Variants in SUGP1 observed in about 807,000 individuals in gnomAD.
SUGP1 encodes the protein SURP and G-patch domain-containing protein 1.
Under a neutral mutation model 76.5 loss-of-function variants are expected in SUGP1, and 34 were observed. The observed-to-expected ratio is 0.44, with a 90% CI of 0.34 to 0.59. The LOEUF (loss-of-function observed/expected upper bound fraction) is 0.59. SUGP1 is among the 20% of genes least tolerant of loss of function. The probability of loss-of-function intolerance (pLI) is 0.01; values close to 1 mark genes in which losing one functional copy is unlikely to be tolerated. For synonymous variants in SUGP1, 326 were observed against 326.2 expected, an observed-to-expected ratio of 1.00 and a Z score of 0.01; for missense variants, 752 against 851.7, an observed-to-expected ratio of 0.88 and a Z score of 1.46.
intron 12 of SUGP1, 58 bp from the exon 13 acceptor site, chr19:19,277,134 C>T (rs756989000): frequency 8.0e-5 from 125 of 1,558,436 alleles, no homozygotes; most frequent in Non-Finnish European, 1.0e-4. Context: ...GCCGGGGGGC[C>T]GGGCACAGCT....
chr19:19,309,813 G>A (rs1397658499), intron 3 of SUGP1, among the ~76,000 whole-genome samples: 1 of 152,232 alleles, frequency 6.6e-6, no homozygotes, highest in Non-Finnish European at 1.5e-5. Flanking sequence ...TCAGGAGGCT[G>A]AGGCAGGAGA....
At position 19,305,995 on chromosome 19, in the gene SUGP1, C is replaced by A; in HGVS notation, c.392G>T (p.Arg131Leu). ...AGKRSLLISRRTGLGLASLPG... is the reference protein window; with the variant it reads ...AGKRSLLISRLTGLGLASLPG... The stretch of plus-strand genomic sequence containing the variant: ...CAGGCTGGCCAGCCCCAGGCCTGTC[C>A]GCCTGCTGATGAGCAGGGACCTCTT... The change falls in exon 4 of 14, where the codon CGG (arginine) becomes CTG (leucine). Residue 131 changes from arginine (R) to leucine (L), a missense_variant. Arg to Leu is a moderately radical substitution (Grantham distance 102). Around this residue, in one of 2 missense-constraint regions of SUGP1, gnomAD observed 620 missense variants for 617.3 expected, o/e 1.00. Transcript: ENST00000247001. 6.2e-7 allele frequency: 1 copy of A among 1,611,876 alleles called. No individual in the cohort carries two copies. Among genetic ancestry groups the A allele is most frequent in the Non-Finnish European group, 8.5e-7 (1 of 1,179,704 alleles).
chr19:19,303,795 G>A lies in SUGP1; in HGVS notation c.591C>T (p.Arg197=). Residue 197 remains arginine, a synonymous_variant, in exon 5 of 14, where the codon CGC becomes CGT. Coordinates refer to ENST00000247001, the MANE Select transcript of SUGP1 (RefSeq NM_172231.4). ...ETRKVIEKLA[R]FVAEGGPELE... ...ACTCGGGGCCTCCTTCTGCCACAAA[G>A]CGGGCCAATTTCTCTATCACTTTCC... is the stretch of plus-strand genomic sequence containing the variant. The A allele has an allele frequency of 6.2e-7, 1 of 1,614,190 alleles. No homozygotes were observed. Among genetic ancestry groups the A allele is most frequent in the Non-Finnish European group, 8.5e-7 (1 of 1,180,038 alleles).
chr19:19,320,394 G>A, intron 1 of SUGP1, 69 bp downstream of exon 1: 1 of 1,546,168 alleles, frequency 6.5e-7, no homozygotes, highest in Admixed American at 1.8e-5. Context: ...GGACGGACCC[G>A]AGGAGTCAGG....
Position 19,303,424 on chromosome 19 carries a change from C to T in SUGP1, c.687G>A (p.Arg229=). ...AFAFLHDKNS[R]EFLYYRKKVA... ...CCTTCTTCCTGTAGTAGAGGAATTC[C>T]CTGCTATTCTTATCGTGCAAAAATC... The change falls in exon 6 of 14, where the codon AGG becomes AGA. Residue 229 remains arginine, a synonymous_variant. Coordinates refer to ENST00000247001, the MANE Select transcript of SUGP1 (RefSeq NM_172231.4). The T allele has an allele frequency of 1.9e-6, 3 of 1,614,092 alleles. No individual in the cohort carries two copies. Among genetic ancestry groups the T allele is most frequent in the Non-Finnish European group, 2.5e-6 (3 of 1,179,988 alleles).
intron 11 of SUGP1, among the ~76,000 whole-genome samples, chr19:19,278,415 A>G (rs1222600869): frequency 6.6e-6 from 1 of 152,186 alleles, no homozygotes; most frequent in Admixed American, 6.6e-5. Flanking sequence ...CCGGAGAAAC[A>G]CTTTGCCTGT....
At chr19:19,303,972 C>T (rs757767642) in intron 4 of SUGP1, 125 bp from the exon 5 acceptor site, 10 of 1,596,174 alleles carry the variant, frequency 6.3e-6, no homozygotes, top group East Asian at 4.5e-5. Flanking sequence ...AGGAGGCTGT[C>T]GGGCGTCCCG....
intron 3 of SUGP1, among the ~76,000 whole-genome samples, chr19:19,309,826 G>A (rs1032841453): frequency 3.3e-5 from 5 of 152,208 alleles, no homozygotes; most frequent in African/African-American, 1.2e-4. Flanking sequence ...GCAGGAGAAT[G>A]GGGTGAACCC....
intron 1 of SUGP1, among the ~76,000 whole-genome samples, chr19:19,317,671 C>A (rs554920566): frequency 2.6e-5 from 4 of 152,196 alleles, no homozygotes; most frequent in East Asian, 1.9e-4. Flanking sequence ...GCATGCACCA[C>A]CTCACTTGGC....
chr19:19,311,420 G>A lies in SUGP1; in HGVS notation c.207-1220C>T, dbSNP rs182642322. On this transcript the variant is annotated intron_variant, in intron 2 of 13. Transcript: ENST00000247001. ...TTCTTCCAGCAAGATTGCTTTGGCT[G>A]TTTTCTTAGAAATGTTTGATGCCCA... Among the ~76,000 whole-genome samples, 411 of 152,096 alleles carry A rather than the reference G, an allele frequency of 2.7e-3. 4 individuals are homozygous for A. The highest frequency in any genetic ancestry group is 9.3e-3 in the African/African-American group (386 of 41,532).
At chr19:19,303,955 G>A (rs762410046) in intron 4 of SUGP1, 108 bp from the exon 5 acceptor site, 7 of 1,599,722 alleles carry the variant, frequency 4.4e-6, no homozygotes, top group East Asian at 4.5e-5. Flanking sequence ...AGAAGAGTGT[G>A]AGATGCAGGA....
intron 8 of SUGP1, among the ~76,000 whole-genome samples, chr19:19,288,731 G>A (rs575311835): frequency 2.2e-4 from 33 of 152,186 alleles, no homozygotes; most frequent in Non-Finnish European, 4.0e-4. Flanking sequence ...ACTCCAGCCT[G>A]GGAAACAGAG....
chr19:19,302,829 C>T (rs1380103933), intron 6 of SUGP1, among the ~76,000 whole-genome samples: 1 of 152,172 alleles, frequency 6.6e-6, no homozygotes, highest in Non-Finnish European at 1.5e-5. Flanking sequence ...CACCAACCCA[C>T]CAGCACTTGG....
At chr19:19,311,600 G>A (rs569887527) in intron 2 of SUGP1, among the ~76,000 whole-genome samples, 4 of 151,996 alleles carry the variant, frequency 2.6e-5, no homozygotes, top group South Asian at 4.2e-4. Flanking sequence ...GGTAGCAGGC[G>A]CCTGTAGTCC....
Position 19,276,538 on chromosome 19 carries a change from T to C in SUGP1, c.*110A>G, listed in dbSNP as rs1470418122. 2.8e-5 allele frequency: 39 copies of C among 1,376,632 alleles called. No individual in the cohort carries two copies. The highest frequency in any genetic ancestry group is 4.0e-5 in the Non-Finnish European group (39 of 977,960). The allele number at this position is 1,376,632 out of a possible 1,614,324, so 85.3% of individuals were successfully genotyped here. ...TGGTGGATGAGCACTGGGACTTTAT[T>C]ACACGGCACGGCACTCGTGACAACG... On this transcript the variant is annotated 3_prime_UTR_variant, in exon 14 of 14. Coordinates refer to ENST00000247001, the MANE Select transcript of SUGP1 (RefSeq NM_172231.4).
intron 1 of SUGP1, 32 bp from the exon 2 acceptor site, chr19:19,316,625 AC>A: frequency 6.2e-7 from 1 of 1,610,118 alleles, no homozygotes; most frequent in Non-Finnish European, 8.5e-7. Context: ...GTCGGAAATC[AC>A]CCTTACTCCA....
At chr19:19,288,970 G>A in intron 8 of SUGP1, among the ~76,000 whole-genome samples, 1 of 151,802 alleles carries the variant, frequency 6.6e-6, no homozygotes. Flanking sequence ...ATTTTTAGTA[G>A]AGACAGAGTT....
At chr19:19,297,895 C>A (rs762044197) in intron 7 of SUGP1, among the ~76,000 whole-genome samples, 20 of 152,286 alleles carry the variant, frequency 1.3e-4, no homozygotes, top group Non-Finnish European at 1.9e-4. Flanking sequence ...CTGTCCCTAC[C>A]CAGCCTGAGG....
chr19:19,286,959 AAACAACAACAAC>A (rs371554669), intron 8 of SUGP1, among the ~76,000 whole-genome samples: 1 of 151,466 alleles, frequency 6.6e-6, no homozygotes, highest in Non-Finnish European at 1.5e-5. Flanking sequence ...AAAAAAAGCA[AAACAACAACAAC>A]AACAACAACA....
Sources: gnomAD v4.1 joint callset for allele counts (sites outside exome capture counted in the v4.1 genomes callset) on GRCh38, gnomAD v4.1.1 for gene constraint, gnomAD v4.1.1 regional missense constraint, MANE v1.5 for transcripts, NCBI Gene and HGNC (gene_info 2026-07-23, HGNC 2026-07-21) for gene names.